CSF1R: variants seen among roughly 807,000 people sequenced by gnomAD.
CSF1R encodes colony stimulating factor 1 receptor, also known as macrophage colony-stimulating factor 1 receptor.
In CSF1R, 40 loss-of-function variants were observed where a neutral mutation model predicts 110.0. The ratio of observed to expected loss-of-function variants is 0.36; its 90% confidence interval spans 0.28 to 0.47. CSF1R has a LOEUF of 0.47. Ranked by LOEUF, CSF1R falls within the 20% of genes least tolerant of loss-of-function variation. CSF1R has a pLI of 0.99. For missense variants in CSF1R, 1,052 were observed against 1,253.0 expected (o/e 0.84, Z 2.42); for synonymous variants, 523 against 503.4 (o/e 1.04, Z -0.52).
intron 3 of CSF1R, among the ~76,000 whole-genome samples, chr5:150,079,380 T>G (rs770986415): frequency 6.6e-6 from 1 of 152,172 alleles, no homozygotes; most frequent in Non-Finnish European, 1.5e-5. Flanking sequence ...CAGGCTGGGG[T>G]CCTGCTTGCT....
chr5:150,097,107 T>G (rs1759248902), intron 1 of CSF1R, among the ~76,000 whole-genome samples: 1 of 151,888 alleles, frequency 6.6e-6, no homozygotes, highest in South Asian at 2.1e-4. Flanking sequence ...ACAAAAAAAT[T>G]TAAAAAGAAC....
intron 1 of CSF1R, among the ~76,000 whole-genome samples, chr5:150,104,886 T>C (rs999327703): frequency 5.1e-5 from 7 of 138,128 alleles, no homozygotes; most frequent in Admixed American, 4.9e-4. Context: ...TCATTTGTTC[T>C]TTTTTTTTTT....
intron 19 of CSF1R, 114 bp from the exon 20 acceptor site, chr5:150,054,544 GT>G: frequency 1.2e-6 from 1 of 807,606 alleles, no homozygotes; most frequent in Non-Finnish European, 1.9e-6. Context: ...GTCAAAGTAA[GT>G]TTAGTATAAA....
At chr5:150,066,117 A>G (rs1757758921) in intron 10 of CSF1R, among the ~76,000 whole-genome samples, 1 of 152,082 alleles carries the variant, frequency 6.6e-6, no homozygotes, top group South Asian at 2.1e-4. Flanking sequence ...AGTCAAGGAG[A>G]TGATGCCCGA....
intron 1 of CSF1R, among the ~76,000 whole-genome samples, chr5:150,104,796 T>G (rs573537764): frequency 6.6e-6 from 1 of 152,278 alleles, no homozygotes; most frequent in Non-Finnish European, 1.5e-5. Flanking sequence ...GAATGCTGTA[T>G]GCCAAAGCCC....
chr5:150,099,662 G>A (rs532378642), intron 1 of CSF1R, among the ~76,000 whole-genome samples: 43 of 140,124 alleles, frequency 3.1e-4, no homozygotes, highest in Middle Eastern at 3.5e-3. Context: ...TTACTCATAT[G>A]ACACTCTTGT....
At chr5:150,093,786 G>A (rs945386502) in intron 1 of CSF1R, among the ~76,000 whole-genome samples, 26 of 152,162 alleles carry the variant, frequency 1.7e-4, no homozygotes, top group African/African-American at 4.8e-4. Flanking sequence ...TATTGAGGCC[G>A]GGCACAGTGG....
intron 1 of CSF1R, among the ~76,000 whole-genome samples, chr5:150,100,390 C>T (rs542833126): frequency 1.3e-5 from 2 of 150,176 alleles, no homozygotes; most frequent in East Asian, 2.0e-4. Context: ...CTCCGCCTCC[C>T]GGGTTCACGC....
At position 150,053,364 on chromosome 5, in the gene CSF1R, G is replaced by A; in HGVS notation, c.*705C>T. ...CGTGACTGTTAGTTAGGATGAGTCA[G>A]CTTGGGGGAGTTTGTGCTTCCTGCT... is the stretch of plus-strand genomic sequence containing the variant. On this transcript the variant is annotated 3_prime_UTR_variant, in exon 21 of 21. Coordinates refer to ENST00000675795, the MANE Select transcript of CSF1R (RefSeq NM_001288705.3). 4.3e-6 allele frequency: 1 copy of A among 234,060 alleles called. No homozygotes were observed. Among genetic ancestry groups the A allele is most frequent in the East Asian group, 6.0e-5 (1 of 16,582 alleles). 14.5% of individuals were successfully genotyped at this position (234,060 alleles called of 1,614,324 possible).
chr5:150,089,953 G>A (rs887306156), upstream of CSF1R, among the ~76,000 whole-genome samples: 6 of 152,116 alleles, frequency 3.9e-5, no homozygotes, highest in African/African-American at 1.4e-4. Flanking sequence ...CAACATAGGT[G>A]CTAAAAGAAC....
intron 10 of CSF1R, 92 bp downstream of exon 10, chr5:150,068,123 A>G (rs1757855777): frequency 2.1e-6 from 2 of 931,640 alleles, no homozygotes; most frequent in Non-Finnish European, 3.4e-6. Context: ...GGACTGACTG[A>G]GGAGGAGGAA....
At position 150,054,383 on chromosome 5, in the gene CSF1R, G is replaced by A; in HGVS notation, c.2702C>T (p.Pro901Leu). 6.2e-7 allele frequency: 1 copy of A among 1,613,930 alleles called. No homozygotes were observed. The change falls in exon 20 of 21, where the codon CCC becomes CTC. Residue 901 changes from proline to leucine, a missense_variant. This residue lies in a region of CSF1R where 74 missense variants were observed against 187.4 expected (regional missense o/e 0.39). Coordinates refer to ENST00000675795, the MANE Select transcript of CSF1R (RefSeq NM_001288705.3). ...ACWALEPTHR[P>L]TFQQICSFLQ... ...GAAGGAGCAGATCTGCTGGAAGGTG[G>A]GTCTGTGGGTGGGCTCCAAGGCCCA...
intron 1 of CSF1R, among the ~76,000 whole-genome samples, chr5:150,101,452 G>C (rs532315345): frequency 6.6e-6 from 1 of 152,320 alleles, no homozygotes; most frequent in Non-Finnish European, 1.5e-5. Context: ...ACAGCTAACT[G>C]ATAGAGTGAG....
In CSF1R at chr5:150,073,423, G is replaced by A. The variant is rs759387562; in HGVS notation, c.960C>T (p.Asn320=). 2.5e-6 allele frequency: 4 copies of A among 1,614,134 alleles called. No individual in the cohort carries two copies. In the South Asian group the frequency reaches 4.4e-5, roughly 18 times the overall value. ...IQEVTVGEGL[N]LKVMVEAYPG... is the part of the protein sequence containing the mutation. ...GGTAGGCCTCCACCATGACTTTGAG[G>A]TTGAGCCCCTCCCCCACGGTCACCT... The change falls in exon 6 of 21, where the codon AAC becomes AAT. Residue 320 remains asparagine, a synonymous_variant. Transcript: ENST00000675795.
intron 6 of CSF1R, 144 bp from the exon 7 acceptor site, chr5:150,070,715 C>A (rs1757996359): frequency 1.9e-6 from 1 of 516,064 alleles, no homozygotes; most frequent in South Asian, 4.9e-5. Context: ...AAGCCAGATA[C>A]TCAGACAGGG....
At chr5:150,081,628 C>T (rs1444079372) in intron 1 of CSF1R, among the ~76,000 whole-genome samples, 3 of 152,146 alleles carry the variant, frequency 2.0e-5, no homozygotes, top group Non-Finnish European at 4.4e-5. Flanking sequence ...GGACAATCAT[C>T]GTACCCACTC....
In CSF1R at chr5:150,080,033, G is replaced by A. The variant is rs1340493778; in HGVS notation, c.592+19C>T. Reference sequence around the variant, plus strand: ...CCCCACTCTTCAGGCCTGGCTGCCGGTCCCCATGCCCCACGCACCTTTCTG... The same window carrying A: ...CCCCACTCTTCAGGCCTGGCTGCCGATCCCCATGCCCCACGCACCTTTCTG... On this transcript the variant is annotated intron_variant, in intron 3 of 20. Transcript: ENST00000675795. 6.2e-7 allele frequency: 1 copy of A among 1,605,902 alleles called. No individual in the cohort carries two copies. The highest frequency in any genetic ancestry group is 8.5e-7 in the Non-Finnish European group (1 of 1,174,524).
chr5:150,080,743 T>A, intron 2 of CSF1R, 24 bp downstream of exon 2: 1 of 1,613,658 alleles, frequency 6.2e-7, no homozygotes, highest in Non-Finnish European at 8.5e-7. Context: ...TCAGGCCTCT[T>A]GGGAGGAGGC....
At position 150,061,723 on chromosome 5, in the gene CSF1R, C is replaced by T; in HGVS notation, c.1753G>A (p.Gly585Ser). 1 of 1,614,120 alleles carries T rather than the reference C, an allele frequency of 6.2e-7. No individual in the cohort carries two copies. Among genetic ancestry groups the T allele is most frequent in the Non-Finnish European group, 8.5e-7 (1 of 1,180,052 alleles). ...WEFPRNNLQFGKTLGAGAFGK... is the reference protein window; with the variant it reads ...WEFPRNNLQFSKTLGAGAFGK... ...GTGGAGTGATGAGCTGCCATCTCAC[C>T]AAACTGCAGGTTGTTCCGGGGGAAC... is the stretch of plus-strand genomic sequence containing the variant. The change falls in exon 11 of 21, where the codon GGT (glycine) becomes AGT (serine). Residue 585 changes from glycine to serine, a missense_variant and splice_region_variant. This residue lies in a region of CSF1R where 76 missense variants were observed against 133.6 expected (regional missense o/e 0.57). Transcript: ENST00000675795.
Sources: gnomAD v4.1 joint callset for allele counts (sites outside exome capture counted in the v4.1 genomes callset) on GRCh38, gnomAD v4.1.1 for gene constraint, gnomAD v4.1.1 regional missense constraint, MANE v1.5 for transcripts, NCBI Gene and HGNC (gene_info 2026-07-23, HGNC 2026-07-21) for gene names.